Variants in GPD2 observed in about 807,000 individuals in gnomAD.
GPD2 encodes glycerol-3-phosphate dehydrogenase, mitochondrial.
A neutral mutation model predicts 82.4 loss-of-function variants in GPD2; 54 were observed. The observed-to-expected ratio is 0.66, with a 90% CI of 0.53 to 0.82. The LOEUF (loss-of-function observed/expected upper bound fraction) is 0.82, where lower values mean the gene tolerates loss of function less well. GPD2 is among the 40% of genes least tolerant of loss of function. GPD2 has a pLI of 0.00. For synonymous variants in GPD2, 288 were observed against 306.1 expected (o/e 0.94, Z 0.62); for missense variants, 748 against 896.2 (o/e 0.83, Z 2.11).
At chr2:156,543,725 TG>T (rs555332741) in intron 6 of GPD2, among the ~76,000 whole-genome samples, 34 of 151,980 alleles carry the variant, frequency 2.2e-4, no homozygotes, top group Non-Finnish European at 3.7e-4. Flanking sequence ...AAATCAGAGG[TG>T]TGGAAGAGCA....
intron 6 of GPD2, among the ~76,000 whole-genome samples, chr2:156,522,121 C>T (rs1685431617): frequency 6.6e-6 from 1 of 152,024 alleles, no homozygotes; most frequent in Non-Finnish European, 1.5e-5. Context: ...ACTGTGTCCA[C>T]CCAGGCTAAC....
intron 6 of GPD2, among the ~76,000 whole-genome samples, chr2:156,542,388 C>T (rs1392779009): frequency 1.3e-5 from 2 of 152,130 alleles, no homozygotes; most frequent in Admixed American, 1.3e-4. Flanking sequence ...TAACAGGTGT[C>T]CCTGCTTCAG....
At chr2:156,563,593 G>C (rs925038379) in intron 9 of GPD2, among the ~76,000 whole-genome samples, 6 of 152,216 alleles carry the variant, frequency 3.9e-5, no homozygotes, top group Admixed American at 3.3e-4. Flanking sequence ...ATTAGCAAGA[G>C]AGGAGGAAAG....
chr2:156,470,629 G>A (rs927732791), intron 1 of GPD2, among the ~76,000 whole-genome samples: 1 of 152,204 alleles, frequency 6.6e-6, no homozygotes, highest in African/African-American at 2.4e-5. Context: ...AGTGCGATCT[G>A]GTTCTGGAAT....
At chr2:156,520,201 G>T (rs2105286008) in intron 6 of GPD2, among the ~76,000 whole-genome samples, 1 of 152,254 alleles carries the variant, frequency 6.6e-6, no homozygotes, top group South Asian at 2.1e-4. Flanking sequence ...ACAGGATGGG[G>T]GTGTTGTGGG....
chr2:156,557,646 C>G, intron 9 of GPD2, 64 bp downstream of exon 9: 1 of 895,506 alleles, frequency 1.1e-6, no homozygotes. Flanking sequence ...TTCCAGCTCT[C>G]ACTGGATAAA....
chr2:156,457,934 A>G (rs1682842191), intron 1 of GPD2, among the ~76,000 whole-genome samples: 1 of 152,248 alleles, frequency 6.6e-6, no homozygotes, highest in Non-Finnish European at 1.5e-5. Context: ...GATTTTATAA[A>G]TGAGGAAACT....
At chr2:156,570,034 C>T (rs1010308559) in intron 11 of GPD2, 53 bp from the exon 12 acceptor site, 51 of 1,547,286 alleles carry the variant, frequency 3.3e-5, no homozygotes, top group Non-Finnish European at 4.4e-5. Context: ...TGCTTTGTGC[C>T]TAGAAGCTAT....
At chr2:156,405,216 G>T in the GPD2 span, among the ~76,000 whole-genome samples, 2 of 152,170 alleles carry the variant, frequency 1.3e-5, no homozygotes, top group Non-Finnish European at 2.9e-5. Context: ...TGATAGACTT[G>T]GGGTGTAGTG....
At chr2:156,560,442 C>T (rs965490804) in intron 9 of GPD2, among the ~76,000 whole-genome samples, 8 of 152,102 alleles carry the variant, frequency 5.3e-5, no homozygotes, top group African/African-American at 1.9e-4. Flanking sequence ...CCAGGTCTTC[C>T]TCCTGGTGAT....
At chr2:156,520,548 ATTATTT>A (rs1478318941) in intron 6 of GPD2, among the ~76,000 whole-genome samples, 1 of 145,008 alleles carries the variant, frequency 6.9e-6, no homozygotes, top group Non-Finnish European at 1.5e-5. Context: ...TATTTTTAAA[ATTATTT>A]TTATTGTTAT....
At chr2:156,414,644 T>C in the GPD2 span, among the ~76,000 whole-genome samples, 1 of 152,200 alleles carries the variant, frequency 6.6e-6, no homozygotes, top group Non-Finnish European at 1.5e-5. Flanking sequence ...AGCATATTAT[T>C]AATATTAGTG....
At chr2:156,448,967 C>A (rs1413288728) in intron 1 of GPD2, among the ~76,000 whole-genome samples, 1 of 152,186 alleles carries the variant, frequency 6.6e-6, no homozygotes, top group Non-Finnish European at 1.5e-5. Flanking sequence ...GTTCTGGTGG[C>A]TTCTGGCATT....
chr2:156,560,079 G>A (rs974362971), intron 9 of GPD2, among the ~76,000 whole-genome samples: 1 of 152,194 alleles, frequency 6.6e-6, no homozygotes, highest in African/African-American at 2.4e-5. Context: ...ACTCAATGTT[G>A]ACAGTTTCCA....
chr2:156,529,902 G>T (rs79627597), intron 6 of GPD2, among the ~76,000 whole-genome samples: 1 of 152,116 alleles, frequency 6.6e-6, no homozygotes. Context: ...TTTTGGCTTA[G>T]GATTGCCTTG....
At chr2:156,492,018 TA>T (rs200337320) in intron 2 of GPD2, among the ~76,000 whole-genome samples, 39,984 of 133,664 alleles carry the variant, frequency 0.3, 5,733 homozygotes, top group South Asian at 0.36. Context: ...AGACTCCATC[TA>T]AAAAAAAAAA....
At chr2:156,400,767 T>C in the GPD2 span, among the ~76,000 whole-genome samples, 1 of 152,192 alleles carries the variant, frequency 6.6e-6, no homozygotes, top group Non-Finnish European at 1.5e-5. Flanking sequence ...TGCTTTCGGC[T>C]GGGGGATGTA....
chr2:156,533,773 A>G (rs1411052516), intron 6 of GPD2, among the ~76,000 whole-genome samples: 3 of 152,222 alleles, frequency 2.0e-5, no homozygotes, highest in Non-Finnish European at 4.4e-5. Context: ...CCCTCGCAGG[A>G]TGTGCAATGG....
rs1224896793 is a variant in GPD2, at chr2:156,515,027, C to T, written c.661+1531C>T. 2.6e-5 allele frequency among the ~76,000 whole-genome samples: 4 copies of T among 152,298 alleles called. No homozygotes were observed. In the East Asian group the frequency reaches 7.7e-4, roughly 29 times the overall value. ...TACTAATCCCTCCTGCACAAACCCTCTCACATACTTACTCATTTTCTATAC... is the reference window on the plus strand; with the variant it reads ...TACTAATCCCTCCTGCACAAACCCTTTCACATACTTACTCATTTTCTATAC... On this transcript the variant is annotated intron_variant, in intron 6 of 16. Coordinates refer to ENST00000438166, the MANE Select transcript of GPD2 (RefSeq NM_000408.5).
Sources: gnomAD v4.1 joint callset for allele counts (sites outside exome capture counted in the v4.1 genomes callset) on GRCh38, gnomAD v4.1.1 for gene constraint, MANE v1.5 for transcripts, NCBI Gene and HGNC (gene_info 2026-07-23, HGNC 2026-07-21) for gene names.